The following RECK variants were observed in gnomAD, a reference collection of about 807,000 sequenced individuals.
RECK encodes reversion inducing cysteine rich protein with kazal motifs.
RECK carries 69 observed loss-of-function variants against 115.1 expected under a neutral mutation model. The observed-to-expected ratio is 0.60, with a 90% CI of 0.49 to 0.73. The LOEUF (loss-of-function observed/expected upper bound fraction) is 0.73. Ranked by LOEUF, RECK falls within the 30% of genes least tolerant of loss-of-function variation. The probability of loss-of-function intolerance (pLI) is 0.00; values close to 1 mark genes in which losing one functional copy is unlikely to be tolerated. For synonymous variants in RECK, 414 were observed against 419.7 expected, an observed-to-expected ratio of 0.99 and a Z score of 0.17; for missense variants, 1,047 against 1,203.7, an observed-to-expected ratio of 0.87 and a Z score of 1.93.
chr9:36,061,393 T>TACACACACACACACACACACACAC (rs58265948), intron 4 of RECK, among the ~76,000 whole-genome samples: 43 of 129,116 alleles, frequency 3.3e-4, no homozygotes, highest in East Asian at 8.9e-4. Flanking sequence ...TGTAATTTTC[T>TACACACACACACACACACACACAC]ACACACACAC....
At chr9:36,083,924 C>T (rs753802874) in intron 8 of RECK, among the ~76,000 whole-genome samples, 11 of 151,782 alleles carry the variant, frequency 7.2e-5, no homozygotes, top group Admixed American at 3.3e-4. Flanking sequence ...TATAAATTTG[C>T]AAAAATAAAT....
intron 16 of RECK, among the ~76,000 whole-genome samples, chr9:36,114,738 G>A (rs1057156236): frequency 7.9e-5 from 12 of 152,006 alleles, no homozygotes; most frequent in Non-Finnish European, 1.6e-4. Flanking sequence ...CCAGCTACTC[G>A]GGAGGCTGAG....
In RECK at chr9:36,117,038, G is replaced by T; in HGVS notation, c.2114G>T (p.Ser705Ile). 1 of 1,613,720 alleles carries T rather than the reference G, an allele frequency of 6.2e-7. No homozygotes were observed. The highest frequency in any genetic ancestry group is 8.5e-7 in the Non-Finnish European group (1 of 1,179,768). Residue 705 changes from serine to isoleucine, a missense_variant, in exon 17 of 21, where the codon AGC (serine) becomes ATC (isoleucine). Physicochemically the swap from Ser to Ile is moderately radical, Grantham distance 142. Transcript: ENST00000377966. The part of the protein sequence containing the change: ...CLTTFDKFGC[S>I]QYECVPRQLA... ...ACGACTTTTGATAAATTTGGATGTA[G>T]CCAGTATGAGTGTGTACCAAGACAG...
At position 36,058,919 on chromosome 9, in the gene RECK, T is replaced by G. The variant is rs1160164224; in HGVS notation, c.234+18T>G. ...AGACAATGGTAAGTCTTATTGTAAC[T>G]TAACTGTAGAAGCTTCTGTCTAAAT... On this transcript the variant is annotated intron_variant, in intron 3 of 20. Transcript: ENST00000377966. 6.8e-7 allele frequency: 1 copy of G among 1,466,034 alleles called. No homozygotes were observed. Among genetic ancestry groups the G allele is most frequent in the Non-Finnish European group, 9.2e-7 (1 of 1,092,272 alleles). The allele number at this position is 1,466,034 out of a possible 1,614,324, so 90.8% of individuals were successfully genotyped here. A position where few individuals can be genotyped will look rare whatever the true frequency, so the allele number is the denominator to read the frequency against.
chr9:36,036,983 G>A lies in RECK; in HGVS notation c.-16G>A. 1 of 1,413,986 alleles carries A rather than the reference G, an allele frequency of 7.1e-7. No individual in the cohort carries two copies. The highest frequency in any genetic ancestry group is 9.2e-7 in the Non-Finnish European group (1 of 1,081,900). 87.6% of individuals were successfully genotyped at this position (1,413,986 alleles called of 1,614,324 possible). On this transcript the variant is annotated 5_prime_UTR_variant, in exon 1 of 21. Transcript: ENST00000377966. ...GGTCCGAGCATCCCGCGGCTCTGGA[G>A]CCGCCCGGCCCGGACATGGCGACCG...
intron 15 of RECK, among the ~76,000 whole-genome samples, chr9:36,110,407 C>T (rs1342037983): frequency 6.6e-6 from 1 of 152,178 alleles, no homozygotes; most frequent in Non-Finnish European, 1.5e-5. Flanking sequence ...CTGCTATGAT[C>T]TAAAATGTCC....
intron 1 of RECK, among the ~76,000 whole-genome samples, chr9:36,040,130 C>T (rs1045252825): frequency 1.3e-5 from 2 of 152,178 alleles, no homozygotes; most frequent in African/African-American, 2.4e-5. Context: ...AGGCACTGTT[C>T]TAGGTGCAGA....
chr9:36,107,588 G>C (rs1237081789), intron 13 of RECK, among the ~76,000 whole-genome samples: 6 of 139,562 alleles, frequency 4.3e-5, no homozygotes, highest in Admixed American at 2.3e-4. Context: ...CTGGGCAACA[G>C]AGCAAGACTC....
chr9:36,112,370 A>T lies in RECK; in HGVS notation c.1954A>T (p.Ser652Cys). The T allele has an allele frequency of 6.2e-7, 1 of 1,613,928 alleles. No homozygotes were observed. The highest frequency in any genetic ancestry group is 8.5e-7 in the Non-Finnish European group (1 of 1,180,028). Residue 652 changes from serine to cysteine, a missense_variant, in exon 16 of 21, where the codon AGT becomes TGT. Physicochemically the swap from Ser to Cys is moderately radical, Grantham distance 112 (BLOSUM62 -1). Transcript: ENST00000377966. ...VCGQNGRTYP[S>C]ACIARCVGLQ... The stretch of plus-strand genomic sequence containing the variant: ...TGGGCAGAATGGGCGCACTTACCCC[A>T]GTGCCTGCATTGCTCGCTGTGTGGG...
intron 6 of RECK, among the ~76,000 whole-genome samples, chr9:36,068,398 T>G (rs1822096267): frequency 6.6e-6 from 1 of 152,210 alleles, no homozygotes; most frequent in African/African-American, 2.4e-5. Context: ...ATTCATTTAC[T>G]ATTCTTCTAT....
At chr9:36,119,893 T>C (rs1167049792) in intron 18 of RECK, among the ~76,000 whole-genome samples, 1 of 152,218 alleles carries the variant, frequency 6.6e-6, no homozygotes, top group Non-Finnish European at 1.5e-5. Flanking sequence ...TATTTGATTA[T>C]GCCATATTCT....
intron 1 of RECK, among the ~76,000 whole-genome samples, chr9:36,040,447 A>G (rs544474245): frequency 6.6e-6 from 1 of 152,322 alleles, no homozygotes; most frequent in Admixed American, 6.5e-5. Flanking sequence ...ACAAAAGGTT[A>G]TATGGTTGGA....
chr9:36,091,667 T>C (rs995450275), intron 10 of RECK, among the ~76,000 whole-genome samples: 1 of 152,284 alleles, frequency 6.6e-6, no homozygotes, highest in Non-Finnish European at 1.5e-5. Context: ...GTCATCCAAA[T>C]GTCCACTTTT....
intron 8 of RECK, among the ~76,000 whole-genome samples, chr9:36,084,591 A>C (rs1385120872): frequency 1.3e-5 from 2 of 152,136 alleles, no homozygotes; most frequent in African/African-American, 4.8e-5. Flanking sequence ...GCTACTCGGG[A>C]GGCTGAGGCA....
At chr9:36,103,394 G>C (rs1013279039) in intron 12 of RECK, among the ~76,000 whole-genome samples, 1 of 152,200 alleles carries the variant, frequency 6.6e-6, no homozygotes, top group Non-Finnish European at 1.5e-5. Context: ...TTTAGCTTCA[G>C]TCATCAAGAT....
At chr9:36,100,976 T>A (rs1823544215) in intron 11 of RECK, among the ~76,000 whole-genome samples, 1 of 138,636 alleles carries the variant, frequency 7.2e-6, no homozygotes, top group Admixed American at 7.0e-5. Flanking sequence ...TTGTTTTGTG[T>A]TTTTTTTTTG....
intron 6 of RECK, among the ~76,000 whole-genome samples, chr9:36,073,719 T>A (rs1160523615): frequency 6.6e-6 from 1 of 152,228 alleles, no homozygotes; most frequent in Non-Finnish European, 1.5e-5. Flanking sequence ...TCAGTCTAGC[T>A]CCTGGTTCTT....
intron 16 of RECK, 152 bp from the exon 17 acceptor site, chr9:36,116,833 C>T (rs1369884866): frequency 1.8e-6 from 1 of 551,278 alleles, no homozygotes; most frequent in Non-Finnish European, 3.2e-6. Context: ...ACAGGCTTGA[C>T]TCTCCCACTC....
In RECK at chr9:36,101,375, A is replaced by G. The variant is rs565901069; in HGVS notation, c.1299-719A>G. Among the ~76,000 whole-genome samples, 11 of 152,344 alleles carry G rather than the reference A, an allele frequency of 7.2e-5. No homozygotes were observed. The East Asian group carries it at 1.2e-3, about 16-fold the overall frequency. The stretch of plus-strand genomic sequence containing the variant: ...TAGTAATCTGCCCATTGTTCTTCAC[A>G]TATCTTTTTTTCCAAAAGTTTTCCA... On this transcript the variant is annotated intron_variant, in intron 11 of 20. Transcript: ENST00000377966.
Sources: allele counts gnomAD v4.1 joint callset (sites outside exome capture counted in the v4.1 genomes callset), GRCh38; gene constraint gnomAD v4.1.1; transcripts MANE v1.5; gene names NCBI Gene and HGNC (gene_info 2026-07-23, HGNC 2026-07-21).